HECW2: variants seen among roughly 807,000 people sequenced by gnomAD.
The protein encoded by HECW2 is E3 ubiquitin-protein ligase HECW2.
Under a neutral mutation model 175.2 loss-of-function variants are expected in HECW2, and 61 were observed. That is an observed-to-expected ratio of 0.35 (90% confidence interval 0.28 to 0.43). The LOEUF (loss-of-function observed/expected upper bound fraction) is 0.43, where lower values mean the gene tolerates loss of function less well. Ranked by LOEUF, HECW2 falls within the 20% of genes least tolerant of loss-of-function variation. HECW2 has a pLI of 1.00. For missense variants in HECW2, 1,524 were observed against 2,000.5 expected (o/e 0.76, Z 4.54); for synonymous variants, 671 against 731.0 (o/e 0.92, Z 1.32).
chr2:196,323,923 T>TTTTG (rs1692051562), intron 6 of HECW2, among the ~76,000 whole-genome samples: 1 of 147,808 alleles, frequency 6.8e-6, no homozygotes, highest in African/African-American at 2.5e-5. Context: ...TTGTTTGTTT[T>TTTTG]TTTTTTTTTT....
At chr2:196,217,143 A>C in intron 26 of HECW2, 50 bp from the exon 27 acceptor site, 1 of 1,344,980 alleles carries the variant, frequency 7.4e-7, no homozygotes, top group African/African-American at 1.5e-5. Flanking sequence ...TTCTATATTA[A>C]GCCACCAAGA....
chr2:196,493,064 T>G (rs1047960947), intron 1 of HECW2, among the ~76,000 whole-genome samples: 5 of 152,164 alleles, frequency 3.3e-5, no homozygotes, highest in Non-Finnish European at 7.4e-5. Context: ...CTATTTCTAA[T>G]AAGATCGAAA....
At chr2:196,237,766 G>C (rs1274356026) in intron 21 of HECW2, among the ~76,000 whole-genome samples, 1 of 152,052 alleles carries the variant, frequency 6.6e-6, no homozygotes, top group Non-Finnish European at 1.5e-5. Flanking sequence ...AATTATCTCA[G>C]CTTTGTCCAT....
chr2:196,272,315 G>A (rs1469935030), intron 16 of HECW2, among the ~76,000 whole-genome samples: 4 of 152,074 alleles, frequency 2.6e-5, no homozygotes, highest in African/African-American at 9.7e-5. Flanking sequence ...TCCCAGTCAA[G>A]GTTGGCTAAA....
Position 196,240,552 on chromosome 2 carries a change from G to A in HECW2, c.3661C>T (p.Arg1221Ter), listed in dbSNP as rs775442248. 5 of 1,604,406 alleles carry A rather than the reference G, an allele frequency of 3.1e-6. No homozygotes were observed. Among genetic ancestry groups the A allele is most frequent in the South Asian group, 1.1e-5 (1 of 89,354 alleles). The change falls in exon 21 of 29, where the codon CGA (arginine) becomes TGA (stop). Residue 1221 changes from arginine (R) to a stop codon, truncating the protein, a stop_gained. Coordinates refer to ENST00000644978, the MANE Select transcript of HECW2 (RefSeq NM_001348768.2). LOFTEE classifies it high-confidence loss of function. ...GCATCTTCTAGTAAGTGATCTCTTC[G>A]GATAATTAACCTGTCCATAAAGAGA... is the stretch of plus-strand genomic sequence containing the variant. The part of the protein sequence containing the change: ...QGPGKLKLII[R>*]RDHLLEDAFN...
intron 2 of HECW2, among the ~76,000 whole-genome samples, chr2:196,344,958 G>GT (rs887475927): frequency 1.7e-4 from 26 of 152,042 alleles, no homozygotes; most frequent in African/African-American, 4.8e-4. Flanking sequence ...GGGATTTCTG[G>GT]TTTTTTTTGT....
chr2:196,449,363 T>C (rs890403192), intron 1 of HECW2, among the ~76,000 whole-genome samples: 83 of 152,200 alleles, frequency 5.5e-4, no homozygotes, highest in African/African-American at 2.0e-3. Context: ...CCACTAAAAA[T>C]GGAACACATG....
intron 16 of HECW2, 45 bp from the exon 17 acceptor site, chr2:196,271,334 T>C (rs77445765): frequency 0.021 from 29,927 of 1,404,206 alleles, 1,105 homozygotes; most frequent in African/African-American, 0.11. Flanking sequence ...AAAGAATCTA[T>C]TTTTAGTTTT....
chr2:196,592,722 C>G (rs1270261498), intron 1 of HECW2: 1 of 152,224 alleles, frequency 6.6e-6, no homozygotes, highest in African/African-American at 2.4e-5. Context: ...GGAGGAAAAA[C>G]AAAGCCACCT....
intron 2 of HECW2, among the ~76,000 whole-genome samples, chr2:196,397,287 C>T (rs907939591): frequency 6.6e-6 from 1 of 152,284 alleles, no homozygotes; most frequent in African/African-American, 2.4e-5. Context: ...AAGGTAGCAC[C>T]TAATATGATG....
chr2:196,426,118 G>T (rs1459012197), intron 2 of HECW2, among the ~76,000 whole-genome samples: 1 of 152,116 alleles, frequency 6.6e-6, no homozygotes, highest in Admixed American at 6.6e-5. Context: ...ATTTTTTTAT[G>T]ATAAAGTCTT....
intron 2 of HECW2, among the ~76,000 whole-genome samples, chr2:196,361,358 C>G (rs912315431): frequency 3.9e-5 from 6 of 152,108 alleles, no homozygotes; most frequent in Non-Finnish European, 8.8e-5. Flanking sequence ...GAACTTTACC[C>G]TAAAAGTAAA....
chr2:196,298,399 A>G (rs1278574252), intron 13 of HECW2, among the ~76,000 whole-genome samples: 2 of 152,232 alleles, frequency 1.3e-5, no homozygotes, highest in Non-Finnish European at 2.9e-5. Context: ...GTTTTACTTT[A>G]GTGTTATGAC....
rs554284566 is a variant in HECW2 at position 196,323,062 on chromosome 2, A to G, written c.742-442T>C. Among the ~76,000 whole-genome samples the G allele has an allele frequency of 7.2e-5, 11 of 152,362 alleles. No individual in the cohort carries two copies. In the East Asian group the frequency reaches 2.1e-3, roughly 29 times the overall value. ...ATGAAATTCTGAAGTTGCAAAACAT[A>G]GTTGAAAATACTCCTCCACTTAGTG... On this transcript the variant is annotated intron_variant, in intron 6 of 28. Coordinates refer to ENST00000644978, the MANE Select transcript of HECW2 (RefSeq NM_001348768.2).
chr2:196,300,660 G>A (rs867536841), intron 13 of HECW2, among the ~76,000 whole-genome samples: 4 of 151,956 alleles, frequency 2.6e-5, no homozygotes, highest in Middle Eastern at 3.4e-3. Context: ...GAAGTGTGAT[G>A]CCTCCATCTA....
intron 2 of HECW2, among the ~76,000 whole-genome samples, chr2:196,405,795 G>A (rs1694952080): frequency 1.3e-5 from 2 of 152,058 alleles, no homozygotes; most frequent in East Asian, 3.9e-4. Flanking sequence ...ATTCTCTACA[G>A]CTGAAATACC....
At chr2:196,543,778 A>G (rs1689308692) in intron 1 of HECW2, among the ~76,000 whole-genome samples, 1 of 152,014 alleles carries the variant, frequency 6.6e-6, no homozygotes, top group South Asian at 2.1e-4. Context: ...ACGCCCAGCT[A>G]ATTTTTTGTA....
At chr2:196,423,613 A>C (rs1162533380) in intron 2 of HECW2, among the ~76,000 whole-genome samples, 7 of 150,948 alleles carry the variant, frequency 4.6e-5, no homozygotes, top group African/African-American at 1.7e-4. Flanking sequence ...ATTTCACTTC[A>C]CCTCCAGGTT....
intron 1 of HECW2, among the ~76,000 whole-genome samples, chr2:196,553,357 C>G (rs1689667652): frequency 6.6e-6 from 1 of 152,182 alleles, no homozygotes; most frequent in Admixed American, 6.5e-5. Context: ...GTACTTGGCA[C>G]TGAGACTCTT....
Sources: gnomAD v4.1 joint callset for allele counts (sites outside exome capture counted in the v4.1 genomes callset) on GRCh38, gnomAD v4.1.1 for gene constraint, MANE v1.5 for transcripts, NCBI Gene and HGNC (gene_info 2026-07-23, HGNC 2026-07-21) for gene names.